The following TBC1D22A variants were observed in gnomAD, a reference collection of about 807,000 sequenced individuals.
TBC1D22A encodes putative GTPase activator.
In TBC1D22A, 38 loss-of-function variants were observed where a neutral mutation model predicts 60.2. The ratio of observed to expected loss-of-function variants is 0.63; its 90% CI spans 0.49 to 0.83. The LOEUF is 0.83. Among genes scored for constraint, TBC1D22A ranks in the 40% least tolerant of loss-of-function variants. The pLI, the probability that TBC1D22A is intolerant of heterozygous loss-of-function variation, is 0.00. For missense variants in TBC1D22A, 628 were observed against 701.0 expected, an observed-to-expected ratio of 0.90 and a Z score of 1.18; for synonymous variants, 302 against 281.7, an observed-to-expected ratio of 1.07 and a Z score of -0.72.
chr22:47,046,021 G>T (rs912603900), intron 11 of TBC1D22A, among the ~76,000 whole-genome samples: 3 of 152,208 alleles, frequency 2.0e-5, no homozygotes, highest in South Asian at 4.1e-4. Context: ...GGCCAAGGAG[G>T]TTCCCGGCTG....
At chr22:46,865,548 C>CA (rs1207244105) in intron 4 of TBC1D22A, among the ~76,000 whole-genome samples, 5 of 152,324 alleles carry the variant, frequency 3.3e-5, no homozygotes, top group Non-Finnish European at 7.4e-5. Context: ...TGTGAAATCA[C>CA]ATGTGAACTC....
intron 12 of TBC1D22A, among the ~76,000 whole-genome samples, chr22:47,149,260 C>A (rs561760387): frequency 6.6e-6 from 1 of 152,168 alleles, no homozygotes; most frequent in Non-Finnish European, 1.5e-5. Flanking sequence ...GAGCTCACGG[C>A]CCGGCGGCGG....
At chr22:47,034,048 TTTG>T in intron 10 of TBC1D22A, among the ~76,000 whole-genome samples, 1 of 152,206 alleles carries the variant, frequency 6.6e-6, no homozygotes, top group Non-Finnish European at 1.5e-5. Flanking sequence ...GCAGCACCGT[TTTG>T]TTCTCTCCAC....
chr22:47,040,802 C>T (rs917507974), intron 11 of TBC1D22A, among the ~76,000 whole-genome samples: 1 of 152,148 alleles, frequency 6.6e-6, no homozygotes, highest in Non-Finnish European at 1.5e-5. Flanking sequence ...TTCTCTAAAT[C>T]CCGGTGACTT....
chr22:47,093,133 T>C (rs2065042525), intron 11 of TBC1D22A, among the ~76,000 whole-genome samples: 1 of 152,186 alleles, frequency 6.6e-6, no homozygotes, highest in Non-Finnish European at 1.5e-5. Context: ...AGAGCAGCAT[T>C]GAAAGGATGT....
chr22:47,146,445 C>T (rs546453706), intron 12 of TBC1D22A, among the ~76,000 whole-genome samples: 4 of 152,172 alleles, frequency 2.6e-5, no homozygotes, highest in African/African-American at 4.8e-5. Context: ...GCTTTATTCC[C>T]GAAGAGAGAA....
chr22:47,033,705 G>T (rs73168480), intron 10 of TBC1D22A, among the ~76,000 whole-genome samples: 3 of 152,154 alleles, frequency 2.0e-5, no homozygotes, highest in African/African-American at 7.2e-5. Flanking sequence ...GGGTAGCCTC[G>T]CACTGAGCAG....
At chr22:47,105,156 T>TA (rs573281549) in intron 11 of TBC1D22A, among the ~76,000 whole-genome samples, 83 of 146,340 alleles carry the variant, frequency 5.7e-4, no homozygotes, top group Middle Eastern at 3.5e-3. Flanking sequence ...AATAATATCA[T>TA]AAAAAAAAAA....
At chr22:46,904,018 T>TA (rs1437796894) in intron 7 of TBC1D22A, among the ~76,000 whole-genome samples, 1 of 151,326 alleles carries the variant, frequency 6.6e-6, no homozygotes, top group African/African-American at 2.4e-5. Context: ...AATGCTTATT[T>TA]GGAAAAAAAT....
At chr22:46,855,118 C>T (rs555758835) in intron 4 of TBC1D22A, among the ~76,000 whole-genome samples, 6 of 152,288 alleles carry the variant, frequency 3.9e-5, no homozygotes, top group South Asian at 2.1e-4. Context: ...AAAGCACCTA[C>T]GGCAGAGCCC....
intron 8 of TBC1D22A, among the ~76,000 whole-genome samples, chr22:46,925,295 C>T (rs543027186): frequency 9.9e-5 from 15 of 152,158 alleles, no homozygotes; most frequent in African/African-American, 2.7e-4. Flanking sequence ...AGCATCTGAG[C>T]GTAGCACATT....
chr22:47,000,973 G>A (rs559845716), intron 10 of TBC1D22A, among the ~76,000 whole-genome samples: 11 of 152,172 alleles, frequency 7.2e-5, no homozygotes, highest in African/African-American at 2.7e-4. Context: ...TGTTCTGGGT[G>A]TGTGTTTCCT....
intron 4 of TBC1D22A, among the ~76,000 whole-genome samples, chr22:46,867,523 GT>G (rs1175842354): frequency 6.6e-6 from 1 of 152,180 alleles, no homozygotes; most frequent in Non-Finnish European, 1.5e-5. Context: ...GATAAATGAG[GT>G]ACCAGTTGTT....
At chr22:46,838,587 G>C (rs1255353353) in intron 4 of TBC1D22A, among the ~76,000 whole-genome samples, 1 of 152,170 alleles carries the variant, frequency 6.6e-6, no homozygotes, top group Non-Finnish European at 1.5e-5. Context: ...TGATTTAAAA[G>C]CCAGACAAGG....
At chr22:47,130,781 A>G (rs1218052559) in intron 12 of TBC1D22A, among the ~76,000 whole-genome samples, 3 of 152,152 alleles carry the variant, frequency 2.0e-5, no homozygotes, top group African/African-American at 4.8e-5. Flanking sequence ...ATTCCCTGCC[A>G]TATTTGTTTC....
intron 4 of TBC1D22A, among the ~76,000 whole-genome samples, chr22:46,803,194 C>A (rs2084973191): frequency 6.6e-6 from 1 of 152,110 alleles, no homozygotes; most frequent in African/African-American, 2.4e-5. Context: ...TTCCTGCGTG[C>A]CCCAGATTGC....
intron 7 of TBC1D22A, among the ~76,000 whole-genome samples, chr22:46,904,609 C>T (rs1264009328): frequency 6.6e-6 from 1 of 151,782 alleles, no homozygotes; most frequent in African/African-American, 2.4e-5. Flanking sequence ...GCTGGGATTA[C>T]AGGCGCCCGC....
rs147991682 is a variant in TBC1D22A, at chr22:47,136,662, C to T, written c.1425+25059C>T. ...CAGGGGTCCTGGGCTTGAGCCCCCTCGTCCCTAGGGATTCTGAGTGGCCTT... is the reference window on the plus strand; with the variant it reads ...CAGGGGTCCTGGGCTTGAGCCCCCTTGTCCCTAGGGATTCTGAGTGGCCTT... On this transcript the variant is annotated intron_variant, in intron 12 of 12. Coordinates refer to ENST00000337137, the MANE Select transcript of TBC1D22A (RefSeq NM_014346.5). 4.2e-3 allele frequency among the ~76,000 whole-genome samples: 635 copies of T among 151,058 alleles called. 4 individuals are homozygous for T. Among genetic ancestry groups the T allele is most frequent in the African/African-American group, 0.015 (602 of 41,270 alleles).
intron 4 of TBC1D22A, among the ~76,000 whole-genome samples, chr22:46,840,351 A>G (rs2086697196): frequency 6.6e-6 from 1 of 152,242 alleles, no homozygotes; most frequent in African/African-American, 2.4e-5. Flanking sequence ...CAATAGGTAT[A>G]TGAAAAGGGG....
Sources: allele counts gnomAD v4.1 joint callset (sites outside exome capture counted in the v4.1 genomes callset), GRCh38; gene constraint gnomAD v4.1.1; transcripts MANE v1.5; gene names NCBI Gene and HGNC (gene_info 2026-07-23, HGNC 2026-07-21).